Variants in TBC1D19 observed in about 807,000 individuals in gnomAD.
TBC1D19 encodes TBC1 domain family member 19.
Under a neutral mutation model 89.0 loss-of-function variants are expected in TBC1D19, and 60 were observed. The ratio of observed to expected loss-of-function variants is 0.67; its 90% confidence interval spans 0.55 to 0.84. The LOEUF is 0.84. Ranked by LOEUF, TBC1D19 falls within the 40% of genes least tolerant of loss-of-function variation. TBC1D19 has a pLI of 0.00. For synonymous variants in TBC1D19, 189 were observed against 199.7 expected (o/e 0.95, Z 0.45); for missense variants, 500 against 610.8 (o/e 0.82, Z 1.91).
Position 26,659,613 on chromosome 4 carries a change from G to A in TBC1D19, c.497G>A (p.Arg166His), listed in dbSNP as rs747990019. The A allele has an allele frequency of 3.5e-5, 56 of 1,584,138 alleles. No individual in the cohort carries two copies. The highest frequency in any genetic ancestry group is 6.7e-5 in the African/African-American group (5 of 74,586). ...KDFLEVLINL[R>H]NPNYENGDSL... ...TTTTTAAAGGTATTAATTAATCTTC[G>A]CAACCCAAATTATGAAAACGGTGAT... The change falls in exon 8 of 21, where the codon CGC becomes CAC. Residue 166 changes from arginine (R) to histidine (H), a missense_variant. Physicochemically the swap from Arg to His is conservative, Grantham distance 29 (BLOSUM62 0). Coordinates refer to ENST00000264866, the MANE Select transcript of TBC1D19 (RefSeq NM_018317.4).
chr4:26,845,522 G>A, the TBC1D19 span, among the ~76,000 whole-genome samples: 1 of 152,244 alleles, frequency 6.6e-6, no homozygotes, highest in East Asian at 1.9e-4. Flanking sequence ...TCTGTTAACA[G>A]TAACTTCCCA....
intron 8 of TBC1D19, 52 bp downstream of exon 8, chr4:26,659,759 A>G (rs769518434): frequency 2.6e-5 from 32 of 1,233,182 alleles, no homozygotes; most frequent in Non-Finnish European, 3.5e-5. Flanking sequence ...ACCATTAGAA[A>G]AATGTTTTAA....
chr4:26,852,786 A>C, the TBC1D19 span, among the ~76,000 whole-genome samples: 1 of 151,776 alleles, frequency 6.6e-6, no homozygotes, highest in African/African-American at 2.4e-5. Context: ...TGCCCAGCTA[A>C]TTTTTTGTAT....
intron 14 of TBC1D19, 146 bp downstream of exon 14, chr4:26,718,163 C>T: frequency 1.7e-6 from 1 of 601,442 alleles, no homozygotes; most frequent in Non-Finnish European, 2.8e-6. Flanking sequence ...TCCTTTCATA[C>T]CTCAAATCAG....
chr4:26,762,893 C>T, the TBC1D19 span, among the ~76,000 whole-genome samples: 2 of 152,086 alleles, frequency 1.3e-5, no homozygotes, highest in Non-Finnish European at 2.9e-5. Flanking sequence ...CTCCCATGAC[C>T]CTCCAGAAGG....
chr4:26,736,197 T>C (rs910637004), intron 16 of TBC1D19, among the ~76,000 whole-genome samples: 5 of 98,856 alleles, frequency 5.1e-5, no homozygotes, highest in African/African-American at 1.6e-4. Flanking sequence ...ATATACACCA[T>C]GGAATACTAT....
chr4:26,706,152 C>T (rs982832551), intron 13 of TBC1D19, among the ~76,000 whole-genome samples: 9 of 152,076 alleles, frequency 5.9e-5, no homozygotes, highest in African/African-American at 2.2e-4. Context: ...CCAGTGAAGC[C>T]ATCAGGACCA....
At chr4:26,809,576 G>C in the TBC1D19 span, among the ~76,000 whole-genome samples, 4 of 152,200 alleles carry the variant, frequency 2.6e-5, no homozygotes, top group African/African-American at 4.8e-5. Context: ...GGACTACTTA[G>C]GGTAGTAGGG....
intron 1 of TBC1D19, among the ~76,000 whole-genome samples, chr4:26,604,884 AAATAATAATAAT>A (rs148779244): frequency 1.0e-4 from 15 of 149,598 alleles, no homozygotes; most frequent in Non-Finnish European, 2.1e-4. Flanking sequence ...AATCCATCTC[AAATAATAATAAT>A]AATAATAATA....
chr4:26,753,787 C>T, intron 19 of TBC1D19, 33 bp from the exon 20 acceptor site: 1 of 1,612,946 alleles, frequency 6.2e-7, no homozygotes, highest in Admixed American at 1.7e-5. Flanking sequence ...GATGAGTAGG[C>T]CAGCAGTTGA....
chr4:26,820,198 C>T, the TBC1D19 span, among the ~76,000 whole-genome samples: 1 of 152,174 alleles, frequency 6.6e-6, no homozygotes, highest in East Asian at 1.9e-4. Context: ...ATGCTTTTAG[C>T]AATTATGAAA....
chr4:26,759,558 C>A (rs1352395369), downstream of TBC1D19, among the ~76,000 whole-genome samples: 1 of 152,152 alleles, frequency 6.6e-6, no homozygotes, highest in Non-Finnish European at 1.5e-5. Flanking sequence ...GTCACCACCA[C>A]CACATCAAGA....
intron 15 of TBC1D19, among the ~76,000 whole-genome samples, chr4:26,726,129 ACACAC>A (rs1717298086): frequency 2.1e-3 from 2 of 960 alleles, no homozygotes; most frequent in Non-Finnish European, 4.1e-3. Context: ...TTCTCCCAAC[ACACAC>A]ACACACACAC....
chr4:26,829,254 GACC>G, the TBC1D19 span, among the ~76,000 whole-genome samples: 3 of 152,216 alleles, frequency 2.0e-5, no homozygotes, highest in Non-Finnish European at 4.4e-5. Context: ...ATAATACACA[GACC>G]ATGTCCCTCC....
At position 26,698,819 on chromosome 4, in the gene TBC1D19, G is replaced by A. The variant is rs572933575; in HGVS notation, c.954+10412G>A. Among the ~76,000 whole-genome samples the A allele has an allele frequency of 3.2e-3, 483 of 152,254 alleles. 3 individuals carry two copies. Among genetic ancestry groups the A allele is most frequent in the Non-Finnish European group, 4.4e-3 (297 of 68,002 alleles). ...AAAACTGGCTAGCCATATGTAGAAA[G>A]CTGAAACTGGATCCCTTCCTTACAC... is the stretch of plus-strand genomic sequence containing the variant. On this transcript the variant is annotated intron_variant, in intron 13 of 20. Coordinates refer to ENST00000264866, the MANE Select transcript of TBC1D19 (RefSeq NM_018317.4).
the TBC1D19 span, among the ~76,000 whole-genome samples, chr4:26,779,624 C>A: frequency 6.6e-6 from 1 of 152,250 alleles, no homozygotes; most frequent in East Asian, 1.9e-4. Flanking sequence ...TGGACTAAGT[C>A]AAAACTGCAA....
chr4:26,751,093 A>C (rs573786323), intron 19 of TBC1D19, among the ~76,000 whole-genome samples: 1 of 152,206 alleles, frequency 6.6e-6, no homozygotes, highest in East Asian at 1.9e-4. Flanking sequence ...AAAATATCCC[A>C]AAGTGTAGAC....
At chr4:26,721,553 T>G (rs113020953) in intron 15 of TBC1D19, among the ~76,000 whole-genome samples, 1,740 of 152,260 alleles carry the variant, frequency 0.011, 12 homozygotes, top group Middle Eastern at 0.034. Flanking sequence ...CCCACAGTCT[T>G]TTCTAGTTTT....
the TBC1D19 span, among the ~76,000 whole-genome samples, chr4:26,837,350 T>C: frequency 6.6e-6 from 1 of 152,032 alleles, no homozygotes; most frequent in Admixed American, 6.6e-5. Flanking sequence ...AAAAGAAAGA[T>C]GCAATAGACT....
Sources: allele counts gnomAD v4.1 joint callset (sites outside exome capture counted in the v4.1 genomes callset), GRCh38; gene constraint gnomAD v4.1.1; transcripts MANE v1.5; gene names NCBI Gene and HGNC (gene_info 2026-07-23, HGNC 2026-07-21).